Variants in KCNH7 observed in about 807,000 individuals in gnomAD.
The protein encoded by KCNH7 is voltage-gated inwardly rectifying potassium channel KCNH7.
A neutral mutation model predicts 120.8 loss-of-function variants in KCNH7; 49 were observed. The observed-to-expected ratio is 0.41, with a 90% CI of 0.32 to 0.51. KCNH7 has a LOEUF of 0.51. Ranked by LOEUF, KCNH7 falls within the 20% of genes least tolerant of loss-of-function variation. The pLI, the probability that KCNH7 is intolerant of heterozygous loss-of-function variation, is 0.38. For synonymous variants in KCNH7, 547 were observed against 516.1 expected, an observed-to-expected ratio of 1.06 and a Z score of -0.81; for missense variants, 1,097 against 1,446.6, an observed-to-expected ratio of 0.76 and a Z score of 3.92.
intron 6 of KCNH7, 138 bp from the exon 7 acceptor site, chr2:162,446,581 C>A (rs917610408): frequency 9.1e-5 from 58 of 638,560 alleles, no homozygotes; most frequent in Non-Finnish European, 1.3e-4. Flanking sequence ...ATTTATGAAA[C>A]ACACACATAC....
At chr2:162,725,558 C>T (rs1687482783) in intron 2 of KCNH7, among the ~76,000 whole-genome samples, 1 of 152,164 alleles carries the variant, frequency 6.6e-6, no homozygotes, top group South Asian at 2.1e-4. Flanking sequence ...CTTACTCAAT[C>T]TCTTCTCACT....
chr2:162,547,214 G>C (rs1414043391), intron 2 of KCNH7, among the ~76,000 whole-genome samples: 3 of 152,058 alleles, frequency 2.0e-5, no homozygotes, highest in Non-Finnish European at 2.9e-5. Flanking sequence ...GGGGAGCAGG[G>C]GGCAAACCAC....
intron 2 of KCNH7, among the ~76,000 whole-genome samples, chr2:162,643,804 C>CAAAAAAAAAAAAAA (rs781089376): frequency 2.2e-5 from 2 of 90,404 alleles, no homozygotes; most frequent in African/African-American, 9.5e-5. Flanking sequence ...GACTCTATCT[C>CAAAAAAAAAAAAAA]AAAAAAAAAA....
In KCNH7 at chr2:162,837,565, A is replaced by T. The variant is rs189419587; in HGVS notation, c.77-798T>A. Among the ~76,000 whole-genome samples the T allele has an allele frequency of 1.5e-3, 225 of 152,340 alleles. 4 individuals are homozygous for T. Among genetic ancestry groups the T allele is most frequent in the Non-Finnish European group, 5.9e-5 (4 of 68,038 alleles). On this transcript the variant is annotated intron_variant, in intron 1 of 15. Coordinates refer to ENST00000332142, the MANE Select transcript of KCNH7 (RefSeq NM_033272.4). ...GTTTAGTTTGTACGCAAGGTACCAG[A>T]TCCTCACATCACTAAATGCAGTGCT...
At chr2:162,767,885 T>A (rs1322942432) in intron 2 of KCNH7, among the ~76,000 whole-genome samples, 1 of 152,206 alleles carries the variant, frequency 6.6e-6, no homozygotes, top group Non-Finnish European at 1.5e-5. Flanking sequence ...GAAAGCATCA[T>A]TCAAGTTATT....
intron 6 of KCNH7, among the ~76,000 whole-genome samples, chr2:162,503,137 C>T (rs1436694434): frequency 3.3e-5 from 5 of 152,070 alleles, no homozygotes; most frequent in African/African-American, 1.2e-4. Context: ...CATTGCCATG[C>T]TGTGCTTCTC....
chr2:162,445,673 G>T (rs1688554661), intron 7 of KCNH7, among the ~76,000 whole-genome samples: 1 of 152,112 alleles, frequency 6.6e-6, no homozygotes, highest in East Asian at 1.9e-4. Flanking sequence ...AATGAGTTAA[G>T]AAAAACAGAG....
At chr2:162,540,172 T>C (rs1692255269) in intron 2 of KCNH7, among the ~76,000 whole-genome samples, 1 of 151,918 alleles carries the variant, frequency 6.6e-6, no homozygotes, top group African/African-American at 2.4e-5. Context: ...GTTAAATGAA[T>C]CTTGTATTCA....
At chr2:162,836,343 C>T (rs183650129) in intron 2 of KCNH7, among the ~76,000 whole-genome samples, 194 bp downstream of exon 2, 1 of 151,946 alleles carries the variant, frequency 6.6e-6, no homozygotes, top group African/African-American at 2.4e-5. Flanking sequence ...ATTACAGTAC[C>T]CTTATTCAAA....
chr2:162,744,425 C>G (rs1688241714), intron 2 of KCNH7, among the ~76,000 whole-genome samples: 1 of 152,086 alleles, frequency 6.6e-6, no homozygotes, highest in Non-Finnish European at 1.5e-5. Context: ...CTTAAATGCA[C>G]TGTAATTAAG....
chr2:162,459,768 C>G (rs1004307883), intron 6 of KCNH7, among the ~76,000 whole-genome samples: 1 of 152,038 alleles, frequency 6.6e-6, no homozygotes, highest in Non-Finnish European at 1.5e-5. Context: ...GTTTGGTGGC[C>G]TTTGCAAGGA....
intron 2 of KCNH7, among the ~76,000 whole-genome samples, chr2:162,592,175 T>C (rs1440447293): frequency 6.6e-6 from 1 of 152,094 alleles, no homozygotes; most frequent in African/African-American, 2.4e-5. Flanking sequence ...TAAAGGTTAC[T>C]TAATTCAGAG....
chr2:162,761,380 C>A lies in KCNH7; in HGVS notation c.307+75157G>T, dbSNP rs189380373. Among the ~76,000 whole-genome samples, 94 of 152,112 alleles carry A rather than the reference C, an allele frequency of 6.2e-4. 2 individuals are homozygous for A. In the East Asian group the frequency reaches 0.015, roughly 24 times the overall value. ...TTCAACGTCCCTGTGTCCTTACAAC[C>A]CGAACATATGATGAGATTATCAGAG... On this transcript the variant is annotated intron_variant, in intron 2 of 15. Transcript: ENST00000332142.
chr2:162,415,879 C>G (rs1195361089), intron 9 of KCNH7, among the ~76,000 whole-genome samples: 1 of 152,140 alleles, frequency 6.6e-6, no homozygotes, highest in East Asian at 1.9e-4. Flanking sequence ...CATGCTTCCA[C>G]TCTGCTTTTA....
At chr2:162,618,653 G>C (rs4664474) in intron 2 of KCNH7, among the ~76,000 whole-genome samples, 77,107 of 151,880 alleles carry the variant, frequency 0.51, 19,785 homozygotes, top group Middle Eastern at 0.62. Context: ...TTCATTACTT[G>C]TGATCTCTAC....
chr2:162,506,196 TGCATATA>T (rs1199755079), intron 5 of KCNH7, among the ~76,000 whole-genome samples: 4 of 151,900 alleles, frequency 2.6e-5, no homozygotes, highest in Non-Finnish European at 5.9e-5. Flanking sequence ...TGTTCTCATT[TGCATATA>T]GAACCTAACT....
At chr2:162,557,370 T>A (rs1371924551) in intron 2 of KCNH7, among the ~76,000 whole-genome samples, 1 of 152,188 alleles carries the variant, frequency 6.6e-6, no homozygotes, top group Admixed American at 6.5e-5. Context: ...GCATAAGCTA[T>A]TGGGCCAATT....
chr2:162,658,914 G>A (rs907085276), intron 2 of KCNH7, among the ~76,000 whole-genome samples: 1 of 152,084 alleles, frequency 6.6e-6, no homozygotes, highest in Non-Finnish European at 1.5e-5. Flanking sequence ...AATGCCATCT[G>A]CAAAGAGAGT....
rs781007057 is a variant in KCNH7 at position 162,590,262 on chromosome 2, C to T, written c.308-53182G>A. Among the ~76,000 whole-genome samples the T allele has an allele frequency of 5.1e-4, 77 of 152,174 alleles. 1 individual carries two copies. Among genetic ancestry groups the T allele is most frequent in the South Asian group, 1.0e-3 (5 of 4,828 alleles). ...AACCACAGCAGGGCAGGAAAGAAGA[C>T]ACCTTGAACTAGGCATTTATCCGAG... On this transcript the variant is annotated intron_variant, in intron 2 of 15. Coordinates refer to ENST00000332142, the MANE Select transcript of KCNH7 (RefSeq NM_033272.4).
Sources: allele counts gnomAD v4.1 joint callset (sites outside exome capture counted in the v4.1 genomes callset), GRCh38; gene constraint gnomAD v4.1.1; transcripts MANE v1.5; gene names NCBI Gene and HGNC (gene_info 2026-07-23, HGNC 2026-07-21).